ASAH2: variants seen among roughly 807,000 people sequenced by gnomAD.
ASAH2 encodes N-acylsphingosine amidohydrolase 2.
ASAH2 carries 58 observed loss-of-function variants against 82.9 expected under a neutral mutation model. The observed-to-expected ratio is 0.70, with a 90% CI of 0.57 to 0.87. The LOEUF (loss-of-function observed/expected upper bound fraction) is 0.87. Among genes scored for constraint, ASAH2 ranks in the 40% least tolerant of loss-of-function variants. The pLI is 0.00. For synonymous variants in ASAH2, 276 were observed against 289.7 expected (o/e 0.95, Z 0.48); for missense variants, 779 against 834.0 (o/e 0.93, Z 0.81).
intron 16 of ASAH2, among the ~76,000 whole-genome samples, 196 bp downstream of exon 16, chr10:50,202,633 C>A (rs1030384055): frequency 6.6e-6 from 1 of 152,212 alleles, no homozygotes; most frequent in East Asian, 1.9e-4. Context: ...AACTAGAATT[C>A]TGACCTGGAC....
chr10:50,202,893 G>A lies in ASAH2; in HGVS notation c.1697C>T (p.Thr566Ile). ...GTTGCATAGACCTGAAATAACAACA[G>A]TCATGTTCTGCATCCCATGAGATGC... ...EFASHGMQNM[T>I]VVISGLCNVY... Residue 566 changes from threonine (T) to isoleucine (I), a missense_variant, in exon 16 of 21, where the codon ACT (threonine) becomes ATT (isoleucine). By Grantham distance (89) the Thr-to-Ile change is moderately conservative (BLOSUM62 -1). Coordinates refer to ENST00000682911, the MANE Select transcript of ASAH2 (RefSeq NM_019893.4). 3 of 1,611,710 alleles carry A rather than the reference G, an allele frequency of 1.9e-6. No homozygotes were observed. The East Asian group carries it at 6.7e-5, about 36-fold the overall frequency.
Position 50,208,520 on chromosome 10 carries a change from C to T in ASAH2, c.1414+2303G>A, listed in dbSNP as rs1013268650. Among the ~76,000 whole-genome samples the T allele has an allele frequency of 3.7e-4, 56 of 150,918 alleles. 1 individual carries two copies. The East Asian group carries it at 6.8e-3, about 18-fold the overall frequency. ...TTTCTATACATTTTCTATGAACAATCCAAAAATGAAATTAAGAAAAAATTT... is the reference window on the plus strand; with the variant it reads ...TTTCTATACATTTTCTATGAACAATTCAAAAATGAAATTAAGAAAAAATTT... On this transcript the variant is annotated intron_variant, in intron 12 of 20. Transcript: ENST00000682911.
chr10:50,233,311 C>G (rs992356877), intron 6 of ASAH2, 50 bp from the exon 7 acceptor site: 19 of 1,355,818 alleles, frequency 1.4e-5, no homozygotes, highest in Admixed American at 1.7e-5. Context: ...AGAGCCTAAC[C>G]CTCATGTAAG....
chr10:50,245,030 G>C (rs1846409548), intron 3 of ASAH2, among the ~76,000 whole-genome samples, 192 bp downstream of exon 3: 1 of 152,044 alleles, frequency 6.6e-6, no homozygotes, highest in South Asian at 2.1e-4. Flanking sequence ...GATTTTACAG[G>C]GGAGTTGTGA....
At chr10:50,237,968 G>T (rs1426210791) in intron 4 of ASAH2, among the ~76,000 whole-genome samples, 1 of 151,944 alleles carries the variant, frequency 6.6e-6, no homozygotes, top group Admixed American at 6.6e-5. Flanking sequence ...AAAAAATCCA[G>T]CAAAAGTGTC....
chr10:50,185,132 G>A lies in ASAH2; in HGVS notation c.*2183C>T, dbSNP rs1844711620. 1.3e-5 allele frequency: 2 copies of A among 151,082 alleles called. No individual in the cohort carries two copies. The highest frequency in any genetic ancestry group is 1.3e-4 in the Admixed American group (2 of 15,176). The allele number at this position is 151,082 out of a possible 1,614,324, so 9.4% of individuals were successfully genotyped here. On this transcript the variant is annotated 3_prime_UTR_variant, in exon 21 of 21. Coordinates refer to ENST00000682911, the MANE Select transcript of ASAH2 (RefSeq NM_019893.4). ...CCAATTTCAGGAGTTTCTGCCACATGGTTTGGCTCCAGTGAGCCAGTCCCT... is the reference window on the plus strand; with the variant it reads ...CCAATTTCAGGAGTTTCTGCCACATAGTTTGGCTCCAGTGAGCCAGTCCCT...
chr10:50,204,633 T>A (rs927037973), intron 14 of ASAH2, among the ~76,000 whole-genome samples: 1 of 151,988 alleles, frequency 6.6e-6, no homozygotes, highest in African/African-American at 2.4e-5. Flanking sequence ...GGGATAAGTT[T>A]TTTTTAATTT....
intron 12 of ASAH2, among the ~76,000 whole-genome samples, chr10:50,209,360 AT>A (rs1175572819): frequency 3.3e-5 from 5 of 151,308 alleles, no homozygotes; most frequent in Non-Finnish European, 5.9e-5. Context: ...AAGAAAAAAA[AT>A]TTTTTTTGAG....
chr10:50,231,013 C>A (rs1846007510), intron 7 of ASAH2, among the ~76,000 whole-genome samples: 1 of 150,348 alleles, frequency 6.7e-6, no homozygotes. Context: ...TGCTCTCCAG[C>A]CTAGGCAGCA....
intron 7 of ASAH2, among the ~76,000 whole-genome samples, chr10:50,220,764 A>G (rs1845721354): frequency 1.3e-5 from 2 of 150,082 alleles, no homozygotes; most frequent in East Asian, 3.9e-4. Context: ...GTACTCCTGA[A>G]CTTAAAATAA....
intron 7 of ASAH2, among the ~76,000 whole-genome samples, chr10:50,229,751 C>G (rs1415306908): frequency 2.0e-5 from 3 of 152,130 alleles, no homozygotes; most frequent in African/African-American, 7.2e-5. Flanking sequence ...TTCCAATCCC[C>G]CCATTTTGCC....
intron 1 of ASAH2, among the ~76,000 whole-genome samples, chr10:50,250,765 ACTT>A (rs771907140): frequency 4.7e-4 from 72 of 152,222 alleles, no homozygotes; most frequent in Admixed American, 4.1e-3. Context: ...ACAAAATAAT[ACTT>A]CTTTTTTGTT....
In ASAH2 at chr10:50,239,015, A is replaced by G. The variant is rs1030359480; in HGVS notation, c.511-2951T>C. On this transcript the variant is annotated intron_variant, in intron 4 of 20. Coordinates refer to ENST00000682911, the MANE Select transcript of ASAH2 (RefSeq NM_019893.4). Reference sequence around the variant, plus strand: ...GTTCATGAAAGGAGGGTATTTTAACACAGGACAAAGCAGCTACATTTATGT... The same window carrying G: ...GTTCATGAAAGGAGGGTATTTTAACGCAGGACAAAGCAGCTACATTTATGT... Among the ~76,000 whole-genome samples, 145 of 152,330 alleles carry G rather than the reference A, an allele frequency of 9.5e-4. 1 individual carries two copies. The highest frequency in any genetic ancestry group is 3.4e-3 in the African/African-American group (140 of 41,578).
chr10:50,215,701 A>T (rs1845574689), intron 8 of ASAH2, among the ~76,000 whole-genome samples: 1 of 152,090 alleles, frequency 6.6e-6, no homozygotes, highest in Admixed American at 6.5e-5. Context: ...TGGTTACTGT[A>T]CCCTTGTAGT....
chr10:50,188,889 T>C (rs1421474779), intron 20 of ASAH2, among the ~76,000 whole-genome samples: 1 of 130,170 alleles, frequency 7.7e-6, no homozygotes, highest in Non-Finnish European at 1.6e-5. Context: ...ACAGAAGTAT[T>C]GTCTTATTTC....
At chr10:50,241,479 G>A (rs1288718601) in intron 4 of ASAH2, among the ~76,000 whole-genome samples, 1 of 152,046 alleles carries the variant, frequency 6.6e-6, no homozygotes, top group Non-Finnish European at 1.5e-5. Flanking sequence ...CCCCTGAAGT[G>A]ACACTAGCAA....
At chr10:50,220,023 G>A (rs2133214014) in intron 7 of ASAH2, among the ~76,000 whole-genome samples, 1 of 152,254 alleles carries the variant, frequency 6.6e-6, no homozygotes, top group African/African-American at 2.4e-5. Flanking sequence ...GGAAGTAAAT[G>A]GCATGGAAAC....
chr10:50,236,171 A>T, intron 4 of ASAH2, 107 bp from the exon 5 acceptor site: 1 of 965,374 alleles, frequency 1.0e-6, no homozygotes, highest in Non-Finnish European at 1.7e-6. Context: ...TAACATCTGT[A>T]TTAGTCCATT....
chr10:50,239,361 G>C lies in ASAH2; in HGVS notation c.511-3297C>G, dbSNP rs890050039. Among the ~76,000 whole-genome samples the C allele has an allele frequency of 6.6e-5, 10 of 152,186 alleles. No homozygotes were observed. In the South Asian group the frequency reaches 1.7e-3, roughly 25 times the overall value. ...CTTCCCACTGGGTCTCAGATTGCAC[G>C]GAGATGTAAAAATAGGAAGAGATAG... On this transcript the variant is annotated intron_variant, in intron 4 of 20. Coordinates refer to ENST00000682911, the MANE Select transcript of ASAH2 (RefSeq NM_019893.4).
Sources: allele counts gnomAD v4.1 joint callset (sites outside exome capture counted in the v4.1 genomes callset), GRCh38; gene constraint gnomAD v4.1.1; transcripts MANE v1.5; gene names NCBI Gene and HGNC (gene_info 2026-07-23, HGNC 2026-07-21).